Variants in HCRTR2 observed in about 807,000 individuals in gnomAD.
HCRTR2 encodes hypocretin receptor 2.
A neutral mutation model predicts 49.0 loss-of-function variants in HCRTR2; 22 were observed. That is an observed-to-expected ratio of 0.45 (90% CI 0.32 to 0.64). HCRTR2 has a LOEUF of 0.64. Among genes scored for constraint, HCRTR2 ranks in the 30% least tolerant of loss-of-function variants. HCRTR2 has a pLI of 0.04. For missense variants in HCRTR2, 491 were observed against 559.4 expected (o/e 0.88, Z 1.23); for synonymous variants, 236 against 205.3 (o/e 1.15, Z -1.28).
intron 1 of HCRTR2, among the ~76,000 whole-genome samples, chr6:55,166,928 A>G (rs1040225238): frequency 1.3e-5 from 2 of 152,178 alleles, no homozygotes; most frequent in Non-Finnish European, 1.5e-5. Context: ...TATTAAGCTA[A>G]GTGAAAGACA....
At chr6:55,229,162 T>C (rs1766066984) in intron 1 of HCRTR2, among the ~76,000 whole-genome samples, 2 of 152,322 alleles carry the variant, frequency 1.3e-5, no homozygotes, top group African/African-American at 2.4e-5. Context: ...CTCCTGTATA[T>C]GCTGACAGAA....
Position 55,255,393 on chromosome 6 carries a change from G to A in HCRTR2, c.646+14G>A, listed in dbSNP as rs1176542319. ...AGCGCTGGGGTGGTAAGTACCTTAT[G>A]GCCCATCAACTGACATTTATATTAC... On this transcript the variant is annotated intron_variant, in intron 3 of 6. Transcript: ENST00000370862. 5.0e-6 allele frequency: 8 copies of A among 1,613,656 alleles called. No homozygotes were observed. The highest frequency in any genetic ancestry group is 6.8e-6 in the Non-Finnish European group (8 of 1,179,776).
chr6:55,109,594 T>C (rs1764022328), intron 1 of HCRTR2, among the ~76,000 whole-genome samples: 1 of 151,692 alleles, frequency 6.6e-6, no homozygotes, highest in African/African-American at 2.4e-5. Context: ...TTCTCAACAA[T>C]AGAATCAAAC....
intron 1 of HCRTR2, among the ~76,000 whole-genome samples, chr6:55,154,768 CCT>C (rs1436030369): frequency 2.0e-5 from 3 of 151,414 alleles, no homozygotes; most frequent in South Asian, 4.2e-4. Flanking sequence ...AGTGAAATTA[CCT>C]CTGTTTGTAG....
chr6:55,262,698 C>CCT (rs1766789141), intron 3 of HCRTR2, among the ~76,000 whole-genome samples: 1 of 138,608 alleles, frequency 7.2e-6, no homozygotes, highest in African/African-American at 2.7e-5. Context: ...TGTAGGGAAT[C>CCT]TGAATTTATT....
chr6:55,277,005 C>A lies in HCRTR2; in HGVS notation c.763-375C>A, dbSNP rs1203562690. Among the ~76,000 whole-genome samples, 6 of 152,252 alleles carry A rather than the reference C, an allele frequency of 3.9e-5. No individual in the cohort carries two copies. In the East Asian group the frequency reaches 1.2e-3, roughly 29 times the overall value. ...TTGACGTTACTTGCTGGGTTTTCCT[C>A]TGCTTTAAACTTTGGTATCTGAGCT... is the stretch of plus-strand genomic sequence containing the variant. On this transcript the variant is annotated intron_variant, in intron 4 of 6. Coordinates refer to ENST00000370862, the MANE Select transcript of HCRTR2 (RefSeq NM_001384272.1).
At chr6:55,284,434 A>G (rs1451902154), downstream of HCRTR2, among the ~76,000 whole-genome samples, 2 of 152,196 alleles carry the variant, frequency 1.3e-5, no homozygotes, top group Non-Finnish European at 2.9e-5. Context: ...TTTAGGGGTG[A>G]TAGCCCAAAA....
intron 4 of HCRTR2, 148 bp from the exon 5 acceptor site, chr6:55,277,232 T>C: frequency 1.4e-6 from 1 of 695,138 alleles, no homozygotes; most frequent in Non-Finnish European, 2.6e-6. Context: ...CATACTAAGG[T>C]CAGCAAATGC....
intron 1 of HCRTR2, among the ~76,000 whole-genome samples, chr6:55,120,538 C>G (rs1385203805): frequency 1.3e-5 from 2 of 151,044 alleles, no homozygotes; most frequent in African/African-American, 4.9e-5. Context: ...GGAGTTCACT[C>G]ATGATTTGGC....
At chr6:55,156,246 G>T (rs1195647212) in intron 1 of HCRTR2, among the ~76,000 whole-genome samples, 1 of 151,748 alleles carries the variant, frequency 6.6e-6, no homozygotes. Context: ...TCCTAGTTAA[G>T]GTACAGCCAT....
intron 1 of HCRTR2, among the ~76,000 whole-genome samples, chr6:55,158,710 C>T (rs1422960460): frequency 6.6e-6 from 1 of 152,148 alleles, no homozygotes. Context: ...TAGGTGGAGC[C>T]CACGACAGTT....
chr6:55,219,671 C>A (rs1169047150), intron 1 of HCRTR2, among the ~76,000 whole-genome samples: 1 of 151,228 alleles, frequency 6.6e-6, no homozygotes, highest in African/African-American at 2.4e-5. Context: ...AAATACTAAG[C>A]CTAATGTTAG....
At chr6:55,119,042 G>C (rs1004864938) in intron 1 of HCRTR2, among the ~76,000 whole-genome samples, 4 of 151,862 alleles carry the variant, frequency 2.6e-5, no homozygotes, top group Admixed American at 6.6e-5. Flanking sequence ...GTGGTGTTTG[G>C]TTTTCTATTC....
chr6:55,158,479 A>T (rs1764760691), intron 1 of HCRTR2, among the ~76,000 whole-genome samples: 1 of 152,042 alleles, frequency 6.6e-6, no homozygotes, highest in African/African-American at 2.4e-5. Context: ...CTGGAAAGGG[A>T]GCTGAAGCCA....
intron 4 of HCRTR2, among the ~76,000 whole-genome samples, chr6:55,270,056 TA>T (rs1441166102): frequency 6.6e-6 from 1 of 152,152 alleles, no homozygotes; most frequent in African/African-American, 2.4e-5. Context: ...TATAATTCCC[TA>T]AAAAGAGAAT....
At chr6:55,159,890 A>G (rs1474158531) in intron 1 of HCRTR2, among the ~76,000 whole-genome samples, 1 of 152,190 alleles carries the variant, frequency 6.6e-6, no homozygotes, top group Non-Finnish European at 1.5e-5. Flanking sequence ...ACGGGGAGAA[A>G]GGAATCAAGT....
intron 1 of HCRTR2, among the ~76,000 whole-genome samples, chr6:55,124,140 T>C (rs189116092): frequency 5.3e-4 from 81 of 152,298 alleles, no homozygotes; most frequent in Admixed American, 1.1e-3. Flanking sequence ...TCTTAGTTAT[T>C]TCTTGTCTTC....
At chr6:55,212,261 A>G (rs1215787169) in intron 1 of HCRTR2, among the ~76,000 whole-genome samples, 1 of 147,796 alleles carries the variant, frequency 6.8e-6, no homozygotes, top group East Asian at 2.1e-4. Flanking sequence ...TCAAGACCAT[A>G]CAAATTTGGA....
intron 1 of HCRTR2, among the ~76,000 whole-genome samples, chr6:55,225,163 T>A (rs1233358058): frequency 2.0e-5 from 3 of 152,212 alleles, no homozygotes; most frequent in Non-Finnish European, 2.9e-5. Context: ...AAAGATTTAA[T>A]GTAGATAAAT....
Sources: allele counts gnomAD v4.1 joint callset (sites outside exome capture counted in the v4.1 genomes callset), GRCh38; gene constraint gnomAD v4.1.1; transcripts MANE v1.5; gene names NCBI Gene and HGNC (gene_info 2026-07-23, HGNC 2026-07-21).